The following KCTD1 variants were observed in gnomAD, a reference collection of about 807,000 sequenced individuals.
KCTD1 encodes the protein BTB/POZ domain-containing protein KCTD1.
Under a neutral mutation model 66.0 loss-of-function variants are expected in KCTD1, and 24 were observed. The ratio of observed to expected loss-of-function variants is 0.36; its 90% CI spans 0.26 to 0.51. The LOEUF (loss-of-function observed/expected upper bound fraction) is 0.51. Among genes scored for constraint, KCTD1 ranks in the 20% least tolerant of loss-of-function variants. The pLI, the probability that KCTD1 is intolerant of heterozygous loss-of-function variation, is 0.95. For missense variants in KCTD1, 943 were observed against 1,205.2 expected (o/e 0.78, Z 3.22); for synonymous variants, 511 against 517.2 (o/e 0.99, Z 0.16).
intron 1 of KCTD1, among the ~76,000 whole-genome samples, chr18:26,534,821 CTCTT>C (rs375415003): frequency 1.4e-3 from 214 of 152,262 alleles, no homozygotes; most frequent in African/African-American, 4.9e-3. Flanking sequence ...ACTGATGTAC[CTCTT>C]TCTTTATGAC....
chr18:26,495,177 T>C (rs887668258), intron 2 of KCTD1, among the ~76,000 whole-genome samples: 2 of 152,146 alleles, frequency 1.3e-5, no homozygotes, highest in African/African-American at 2.4e-5. Context: ...AACCCATGTC[T>C]ACGAACTGTA....
intron 3 of KCTD1, among the ~76,000 whole-genome samples, chr18:26,472,689 G>A (rs985868085): frequency 6.6e-6 from 1 of 152,206 alleles, no homozygotes; most frequent in Non-Finnish European, 1.5e-5. Flanking sequence ...AGCGCCCGAC[G>A]TTGGTGGCTC....
At position 26,547,080 on chromosome 18, in the gene KCTD1, C is replaced by T. The variant is rs1427700809; in HGVS notation, c.1457G>A (p.Gly486Glu). The change falls in exon 1 of 5, where the codon GGG (glycine) becomes GAG (glutamate). Residue 486 changes from glycine to glutamate, a missense_variant. Physicochemically the swap from Gly to Glu is moderately conservative, Grantham distance 98. Coordinates refer to ENST00000580059, the MANE Select transcript of KCTD1 (RefSeq NM_001142730.3). ...PQGCYAEALN[G>E]AARHHSHHPP... Reference sequence around the variant, plus strand: ...GTGGTGGGAGTGGTGCCGTGCCGCCCCGTTCAGAGCCTCGGCGTAGCAGCC... The same window carrying T: ...GTGGTGGGAGTGGTGCCGTGCCGCCTCGTTCAGAGCCTCGGCGTAGCAGCC... 1.3e-6 allele frequency: 2 copies of T among 1,539,686 alleles called. No individual in the cohort carries two copies. The highest frequency in any genetic ancestry group is 3.9e-5 in the Admixed American group (2 of 50,764).
At chr18:26,647,331 A>ACCC (rs56004377) in intron 1 of KCTD1, among the ~76,000 whole-genome samples, 4,669 of 116,264 alleles carry the variant, frequency 0.04, 194 homozygotes, top group African/African-American at 0.1. Context: ...AGATAGTGAA[A>ACCC]CCCCCCCCCC....
At chr18:26,631,722 A>C (rs1018798844), upstream of KCTD1, among the ~76,000 whole-genome samples, 4 of 152,186 alleles carry the variant, frequency 2.6e-5, no homozygotes, top group South Asian at 2.1e-4. Flanking sequence ...AAATATTCCC[A>C]AAAAACCCTC....
intron 1 of KCTD1, among the ~76,000 whole-genome samples, chr18:26,569,999 C>T (rs1986066383): frequency 6.6e-6 from 1 of 151,944 alleles, no homozygotes; most frequent in South Asian, 2.1e-4. Context: ...CCAGCCTGAC[C>T]AACATGGTGA....
intron 1 of KCTD1, among the ~76,000 whole-genome samples, chr18:26,601,824 A>G (rs1205674918): frequency 2.1e-4 from 32 of 152,176 alleles, no homozygotes; most frequent in Non-Finnish European, 4.4e-5. Context: ...AGTGTATACA[A>G]TTGATTTTTA....
intron 1 of KCTD1, among the ~76,000 whole-genome samples, chr18:26,571,207 C>T (rs1418898062): frequency 6.6e-6 from 1 of 152,100 alleles, no homozygotes; most frequent in Non-Finnish European, 1.5e-5. Context: ...ACAGAATGTC[C>T]CTTGCACATA....
intron 2 of KCTD1, among the ~76,000 whole-genome samples, chr18:26,482,618 G>A (rs1271973246): frequency 5.3e-5 from 8 of 152,162 alleles, no homozygotes; most frequent in Admixed American, 5.2e-4. Flanking sequence ...CTGGCTCTAG[G>A]CTCTGTACCC....
intron 1 of KCTD1, among the ~76,000 whole-genome samples, chr18:26,647,493 C>T (rs1288590417): frequency 8.0e-6 from 1 of 124,836 alleles, no homozygotes. Flanking sequence ...ACACTCCAGT[C>T]TGGGAAACAG....
At chr18:26,583,065 A>G (rs899720473) in intron 1 of KCTD1, among the ~76,000 whole-genome samples, 3 of 148,232 alleles carry the variant, frequency 2.0e-5, no homozygotes, top group African/African-American at 7.4e-5. Flanking sequence ...TAGTAGATAG[A>G]TGGTAATTTA....
At chr18:26,479,106 TTAAAA>T (rs1981493491) in intron 2 of KCTD1, among the ~76,000 whole-genome samples, 2 of 152,096 alleles carry the variant, frequency 1.3e-5, no homozygotes, top group Admixed American at 1.3e-4. Flanking sequence ...TCCAATGTAG[TTAAAA>T]TAGAAAAAAG....
intron 3 of KCTD1, among the ~76,000 whole-genome samples, chr18:26,470,362 C>T (rs1428359144): frequency 6.6e-6 from 1 of 152,194 alleles, no homozygotes; most frequent in Non-Finnish European, 1.5e-5. Context: ...TCTGTGGGAT[C>T]GTCTGACAAG....
At chr18:26,513,521 T>A (rs1983465266) in intron 1 of KCTD1, among the ~76,000 whole-genome samples, 1 of 152,248 alleles carries the variant, frequency 6.6e-6, no homozygotes, top group Non-Finnish European at 1.5e-5. Context: ...AGTGTTGACA[T>A]GGAGTAAGGT....
At chr18:26,631,210 G>C (rs977683092), upstream of KCTD1, among the ~76,000 whole-genome samples, 4 of 152,202 alleles carry the variant, frequency 2.6e-5, no homozygotes, top group African/African-American at 9.7e-5. Context: ...TTCATAGCAG[G>C]AAATTAACAT....
chr18:26,510,624 G>T (rs1983284274), intron 1 of KCTD1, among the ~76,000 whole-genome samples: 1 of 152,056 alleles, frequency 6.6e-6, no homozygotes, highest in Non-Finnish European at 1.5e-5. Flanking sequence ...AGATTACCAA[G>T]CTGAGGCCAT....
chr18:26,522,368 G>A (rs757784122), intron 1 of KCTD1, among the ~76,000 whole-genome samples: 1 of 152,158 alleles, frequency 6.6e-6, no homozygotes, highest in Non-Finnish European at 1.5e-5. Context: ...ACCAAAGATT[G>A]CCAGCAACCC....
chr18:26,594,328 T>C (rs1986718189), intron 1 of KCTD1, among the ~76,000 whole-genome samples: 2 of 152,232 alleles, frequency 1.3e-5, no homozygotes, highest in African/African-American at 2.4e-5. Flanking sequence ...TTTAGTAATA[T>C]AGGTAAACTT....
intron 2 of KCTD1, among the ~76,000 whole-genome samples, chr18:26,479,415 ACCCCCCG>A (rs1350921732): frequency 6.6e-6 from 1 of 152,040 alleles, no homozygotes; most frequent in East Asian, 1.9e-4. Flanking sequence ...GAAACCGCAG[ACCCCCCG>A]CCAGGCCGTG....
Sources: allele counts gnomAD v4.1 joint callset (sites outside exome capture counted in the v4.1 genomes callset), GRCh38; gene constraint gnomAD v4.1.1; transcripts MANE v1.5; gene names NCBI Gene and HGNC (gene_info 2026-07-23, HGNC 2026-07-21).